Variants in CPQ observed in about 807,000 individuals in gnomAD.
The protein encoded by CPQ is carboxypeptidase Q.
Under a neutral mutation model 45.7 loss-of-function variants are expected in CPQ, and 37 were observed. That is an observed-to-expected ratio of 0.81 (90% CI 0.62 to 1.07). CPQ has a LOEUF of 1.07. CPQ is among the 50% of genes least tolerant of loss of function. CPQ has a pLI of 0.00. For missense variants in CPQ, 537 were observed against 572.9 expected (o/e 0.94, Z 0.64); for synonymous variants, 186 against 205.8 (o/e 0.90, Z 0.82).
At chr8:96,746,706 A>G (rs1810187999) in intron 1 of CPQ, among the ~76,000 whole-genome samples, 1 of 152,180 alleles carries the variant, frequency 6.6e-6, no homozygotes, top group Admixed American at 6.5e-5. Flanking sequence ...GATTTTATAC[A>G]TTATTTACTT....
chr8:96,899,368 G>A (rs532172614), intron 4 of CPQ, among the ~76,000 whole-genome samples: 1 of 152,258 alleles, frequency 6.6e-6, no homozygotes, highest in Admixed American at 6.5e-5. Context: ...TTGTGAATTT[G>A]GGATGCATTT....
intron 6 of CPQ, among the ~76,000 whole-genome samples, chr8:97,057,059 G>C (rs1380160430): frequency 6.6e-6 from 1 of 152,168 alleles, no homozygotes; most frequent in East Asian, 1.9e-4. Context: ...CTCATATGTA[G>C]GTTGGAAATA....
intron 1 of CPQ, among the ~76,000 whole-genome samples, chr8:96,693,257 G>A (rs1415875676): frequency 6.6e-6 from 1 of 151,912 alleles, no homozygotes; most frequent in Non-Finnish European, 1.5e-5. Context: ...AGGGTAGGGA[G>A]GGGGGAGAGA....
chr8:96,654,520 C>A (rs758500852), intron 1 of CPQ, among the ~76,000 whole-genome samples: 4 of 151,888 alleles, frequency 2.6e-5, no homozygotes, highest in Admixed American at 1.3e-4. Context: ...GTATAATGAG[C>A]CTTCAAGGTC....
intron 4 of CPQ, among the ~76,000 whole-genome samples, chr8:96,964,173 T>TACACACACACAC (rs71267285): frequency 1.0e-4 from 14 of 133,462 alleles, no homozygotes; most frequent in South Asian, 1.0e-3. Flanking sequence ...GGTTAAAGTA[T>TACACACACACAC]ACACACACAC....
intron 6 of CPQ, among the ~76,000 whole-genome samples, chr8:97,065,503 C>A (rs577578303): frequency 4.4e-4 from 67 of 152,252 alleles, no homozygotes; most frequent in African/African-American, 1.6e-3. Flanking sequence ...CCAAGACAAA[C>A]CTGTCAGCTT....
At chr8:96,725,644 A>G (rs1809827026) in intron 1 of CPQ, among the ~76,000 whole-genome samples, 1 of 152,216 alleles carries the variant, frequency 6.6e-6, no homozygotes, top group Admixed American at 6.5e-5. Flanking sequence ...GGAAATGTAA[A>G]TTGGTTCAGC....
At chr8:96,744,018 C>T (rs1359277733) in intron 1 of CPQ, among the ~76,000 whole-genome samples, 1 of 152,248 alleles carries the variant, frequency 6.6e-6, no homozygotes, top group African/African-American at 2.4e-5. Context: ...TTCGAGCTTC[C>T]TGGCTCCTTT....
rs76348733 is a variant in CPQ, at chr8:96,689,461, A to C, written c.-35+44059A>C. ...TCGTTATAGAGAATTCAGTACAACT[A>C]TTAGTCATTTTGCCAGAGATTTATC... On this transcript the variant is annotated intron_variant, in intron 1 of 7. Coordinates refer to ENST00000220763, the MANE Select transcript of CPQ (RefSeq NM_016134.4). Among the ~76,000 whole-genome samples, 13 of 152,304 alleles carry C rather than the reference A, an allele frequency of 8.5e-5. No homozygotes were observed. The East Asian group carries it at 2.5e-3, about 29-fold the overall frequency.
chr8:96,787,341 G>A (rs1051432194), intron 2 of CPQ, among the ~76,000 whole-genome samples: 10 of 151,666 alleles, frequency 6.6e-5, no homozygotes, highest in Admixed American at 5.9e-4. Context: ...CCTTTAATTC[G>A]GTGCATTACA....
At position 96,730,866 on chromosome 8, in the gene CPQ, C is replaced by CATATATATATAT. The variant is rs35247469; in HGVS notation, c.-34-53983_-34-53972dup. 2.6e-3 allele frequency among the ~76,000 whole-genome samples: 177 copies of CATATATATATAT among 68,664 alleles called. 1 individual carries two copies. Among genetic ancestry groups the CATATATATATAT allele is most frequent in the African/African-American group, 7.8e-3 (154 of 19,682 alleles). 45.0% of individuals were successfully genotyped at this position (68,664 alleles called of 152,430 possible). ...GATCTAGATCAATTAACCATACATA[C>CATATATATATAT]ATATATATATATATATATATATATA... On this transcript the variant is annotated intron_variant, in intron 1 of 7. Transcript: ENST00000220763.
At chr8:97,035,005 GC>G in intron 6 of CPQ, among the ~76,000 whole-genome samples, 1 of 151,198 alleles carries the variant, frequency 6.6e-6, no homozygotes, top group South Asian at 2.1e-4. Context: ...CGATTCTTCT[GC>G]CTCAGCCTCC....
At chr8:96,980,774 C>T (rs934282500) in intron 5 of CPQ, among the ~76,000 whole-genome samples, 1 of 152,148 alleles carries the variant, frequency 6.6e-6, no homozygotes, top group Non-Finnish European at 1.5e-5. Flanking sequence ...CAAACCTTCA[C>T]CCCAGTGTAG....
chr8:97,070,549 T>C (rs1810722777), intron 7 of CPQ, among the ~76,000 whole-genome samples: 1 of 152,008 alleles, frequency 6.6e-6, no homozygotes, highest in African/African-American at 2.4e-5. Context: ...AGTTTAAGAA[T>C]ATGAAGAAAA....
At chr8:96,740,962 A>G (rs1449026897) in intron 1 of CPQ, among the ~76,000 whole-genome samples, 1 of 151,958 alleles carries the variant, frequency 6.6e-6, no homozygotes, top group African/African-American at 2.4e-5. Flanking sequence ...TGGTATCAGG[A>G]TGATGTCAGG....
intron 3 of CPQ, among the ~76,000 whole-genome samples, chr8:96,846,993 A>G (rs1048267583): frequency 6.6e-6 from 1 of 152,224 alleles, no homozygotes; most frequent in Non-Finnish European, 1.5e-5. Context: ...GTTGTTCCTC[A>G]TTATTAGATT....
intron 4 of CPQ, among the ~76,000 whole-genome samples, chr8:96,910,102 G>A (rs1035662404): frequency 6.6e-6 from 1 of 152,144 alleles, no homozygotes; most frequent in Non-Finnish European, 1.5e-5. Context: ...TTCTTATGAA[G>A]CCTATGTTTG....
intron 6 of CPQ, among the ~76,000 whole-genome samples, chr8:97,046,943 C>A (rs2513395): frequency 0.57 from 86,104 of 152,000 alleles, 26,633 homozygotes; most frequent in Non-Finnish European, 0.7. Context: ...ATTTTTTCCA[C>A]GTAAGGAAAA....
chr8:97,129,959 G>T (rs567165588), intron 7 of CPQ, among the ~76,000 whole-genome samples: 1 of 152,198 alleles, frequency 6.6e-6, no homozygotes, highest in Non-Finnish European at 1.5e-5. Flanking sequence ...AAGTCCTGCT[G>T]CACTAGTCGC....
Sources: gnomAD v4.1 joint callset for allele counts (sites outside exome capture counted in the v4.1 genomes callset) on GRCh38, gnomAD v4.1.1 for gene constraint, MANE v1.5 for transcripts, NCBI Gene and HGNC (gene_info 2026-07-23, HGNC 2026-07-21) for gene names.